Variants in AGPAT4 observed in about 807,000 individuals in gnomAD.
AGPAT4 encodes the protein 1-acyl-sn-glycerol-3-phosphate acyltransferase delta.
In AGPAT4, 15 loss-of-function variants were observed where a neutral mutation model predicts 48.0. That is an observed-to-expected ratio of 0.31 (90% CI 0.21 to 0.48). AGPAT4 has a LOEUF of 0.48. Ranked by LOEUF, AGPAT4 falls within the 20% of genes least tolerant of loss-of-function variation. The pLI, the probability that AGPAT4 is intolerant of heterozygous loss-of-function variation, is 0.99. For missense variants in AGPAT4, 314 were observed against 482.5 expected (o/e 0.65, Z 3.27); for synonymous variants, 178 against 198.7 (o/e 0.90, Z 0.88).
intron 1 of AGPAT4, among the ~76,000 whole-genome samples, chr6:161,247,348 C>G (rs1782681646): frequency 6.6e-6 from 1 of 152,190 alleles, no homozygotes; most frequent in African/African-American, 2.4e-5. Flanking sequence ...GCATACAATT[C>G]TAAAATGCAG....
chr6:161,175,379 A>G (rs527248095), intron 2 of AGPAT4, among the ~76,000 whole-genome samples: 95 of 151,780 alleles, frequency 6.3e-4, no homozygotes, highest in African/African-American at 2.0e-3. Flanking sequence ...AGTCTTGGGA[A>G]GGTGTATGTG....
intron 4 of AGPAT4, among the ~76,000 whole-genome samples, chr6:161,153,796 CAT>C (rs1779669399): frequency 6.7e-6 from 1 of 150,356 alleles, no homozygotes; most frequent in South Asian, 2.1e-4. Flanking sequence ...TGAGGTCACA[CAT>C]AGCCCTGGGG....
Position 161,146,709 on chromosome 6 carries a change from TG to T in AGPAT4, c.768-111del. ...GTTTTTATCTGGGTCACCTAAATAA[TG>T]TGGAACTGAAGAGAGTAATGCAAGT... On this transcript the variant is annotated intron_variant, in intron 6 of 8. Coordinates refer to ENST00000320285, the MANE Select transcript of AGPAT4 (RefSeq NM_020133.3). The surrounding 1 kb of genome is among the most constrained non-coding windows in gnomAD (Gnocchi z 7.1). 1.1e-6 allele frequency: 1 copy of T among 942,710 alleles called. No individual in the cohort carries two copies. Among genetic ancestry groups the T allele is most frequent in the South Asian group, 1.4e-5 (1 of 69,592 alleles). 58.4% of individuals were successfully genotyped at this position (942,710 alleles called of 1,614,324 possible). A position where few individuals can be genotyped will look rare whatever the true frequency, so the allele number is the denominator to read the frequency against.
At position 161,167,191 on chromosome 6, in the gene AGPAT4, A is replaced by AG. The variant is rs578081874; in HGVS notation, c.179-775dup. ...ACTCTTGAAGTTGACGGTGTTCAGTAGGGGTGGGCGCCTGAGTGCTCTGCG... is the reference window on the plus strand; with the variant it reads ...ACTCTTGAAGTTGACGGTGTTCAGTAGGGGGTGGGCGCCTGAGTGCTCTGCG... On this transcript the variant is annotated intron_variant, in intron 2 of 8. Coordinates refer to ENST00000320285, the MANE Select transcript of AGPAT4 (RefSeq NM_020133.3). Among the ~76,000 whole-genome samples, 331 of 152,190 alleles carry AG rather than the reference A, an allele frequency of 2.2e-3. 2 individuals are homozygous for AG. Among genetic ancestry groups the AG allele is most frequent in the African/African-American group, 7.5e-3 (312 of 41,534 alleles).
rs1341153861 is a variant in AGPAT4 at position 161,140,296 on chromosome 6, G to C, written c.844-676C>G. Among the ~76,000 whole-genome samples, 3 of 152,228 alleles carry C rather than the reference G, an allele frequency of 2.0e-5. No homozygotes were observed. ...TGGGTGTCCAGGGTGACTCTTCTAA[G>C]TGATTGTTAGACCGTGTGAAAGGTA... On this transcript the variant is annotated intron_variant, in intron 7 of 8. Transcript: ENST00000320285. The surrounding 1 kb of genome is among the most constrained non-coding windows in gnomAD (Gnocchi z 6.5).
Position 161,166,528 on chromosome 6 carries a change from G to T in AGPAT4, c.179-111C>A. On this transcript the variant is annotated intron_variant, in intron 2 of 8. Transcript: ENST00000320285. The surrounding 1 kb of genome is among the most constrained non-coding windows in gnomAD (Gnocchi z 6.7). ...CTAGGGGAGAAAGCAACTTCTACGG[G>T]CAAAGTTCTGGATCGTTGCAGCACA... The T allele has an allele frequency of 1.5e-6, 2 of 1,303,338 alleles. No individual in the cohort carries two copies. Among genetic ancestry groups the T allele is most frequent in the Non-Finnish European group, 1.0e-6 (1 of 954,004 alleles). 80.7% of individuals were successfully genotyped at this position (1,303,338 alleles called of 1,614,324 possible).
chr6:161,237,891 A>C (rs924368688), intron 1 of AGPAT4, among the ~76,000 whole-genome samples: 6 of 152,108 alleles, frequency 3.9e-5, no homozygotes, highest in Non-Finnish European at 8.8e-5. Flanking sequence ...CAAGTCTCTG[A>C]GGGAGAAAGT....
chr6:161,196,136 C>A lies in AGPAT4; in HGVS notation c.179-29719G>T, dbSNP rs1781059787. ...TTTCTAGAATGGTGTGGTTCGCCAT[C>A]TTAAGAGCACTGTCTTTCTAGGAGA... is the stretch of plus-strand genomic sequence containing the variant. On this transcript the variant is annotated intron_variant, in intron 2 of 8. Transcript: ENST00000320285. This position sits in a 1 kb window ranked among gnomAD's most constrained non-coding sequence, Gnocchi z 4.3. 6.6e-6 allele frequency among the ~76,000 whole-genome samples: 1 copy of A among 152,160 alleles called. No homozygotes were observed. Among genetic ancestry groups the A allele is most frequent in the African/African-American group, 2.4e-5 (1 of 41,440 alleles).
In AGPAT4 at chr6:161,158,053, C is replaced by A. The variant is rs749009073; in HGVS notation, c.349-3743G>T. 1.3e-5 allele frequency among the ~76,000 whole-genome samples: 2 copies of A among 152,216 alleles called. No homozygotes were observed. Among genetic ancestry groups the A allele is most frequent in the Non-Finnish European group, 2.9e-5 (2 of 68,042 alleles). ...TGTAGCTATTATTTTCATCCCAGAG[C>A]AAGCAGTATCTGAACACCTCCTTAT... On this transcript the variant is annotated intron_variant, in intron 3 of 8. Transcript: ENST00000320285. The surrounding 1 kb of genome is among the most constrained non-coding windows in gnomAD (Gnocchi z 5.3).
chr6:161,168,354 A>C (rs1196174937), intron 2 of AGPAT4, among the ~76,000 whole-genome samples: 1 of 152,116 alleles, frequency 6.6e-6, no homozygotes, highest in East Asian at 1.9e-4. Context: ...TGATGCTTCC[A>C]AGAGACTCAC....
chr6:161,160,499 C>T (rs1562317917), intron 3 of AGPAT4: 1 of 159,302 alleles, frequency 6.3e-6, no homozygotes, highest in African/African-American at 2.4e-5. Flanking sequence ...AGACTTTATC[C>T]ACGTGGGACA....
In AGPAT4 at chr6:161,254,342, C is replaced by A. The variant is rs1582912269; in HGVS notation, c.-90+19596G>T. 6.6e-6 allele frequency among the ~76,000 whole-genome samples: 1 copy of A among 152,178 alleles called. No individual in the cohort carries two copies. The highest frequency in any genetic ancestry group is 1.5e-5 in the Non-Finnish European group (1 of 68,030). On this transcript the variant is annotated intron_variant, in intron 1 of 8. Coordinates refer to ENST00000320285, the MANE Select transcript of AGPAT4 (RefSeq NM_020133.3). The surrounding 1 kb of genome is among the most constrained non-coding windows in gnomAD (Gnocchi z 5.9). ...TTTGGTCACTAACCTGCTCAGGTCC[C>A]TACCTTCTCTGATCCTCAGCTTCTT...
chr6:161,130,986 G>C lies in AGPAT4; in HGVS notation c.*5554C>G. 1 of 484,198 alleles carries C rather than the reference G, an allele frequency of 2.1e-6. No homozygotes were observed. Among genetic ancestry groups the C allele is most frequent in the Middle Eastern group, 3.3e-4 (1 of 2,998 alleles). 30.0% of individuals were successfully genotyped at this position (484,198 alleles called of 1,614,324 possible). A position where few individuals can be genotyped will look rare whatever the true frequency, so the allele number is the denominator to read the frequency against. ...AGTACTATGGAATAGAAAAGGAAAA[G>C]TGACATTTGTGTAATTTATTTTGGA... On this transcript the variant is annotated 3_prime_UTR_variant, in exon 9 of 9. Transcript: ENST00000320285.
rs1582901727 is a variant in AGPAT4 at position 161,240,437 on chromosome 6, G to C, written c.-89-8135C>G. On this transcript the variant is annotated intron_variant, in intron 1 of 8. Transcript: ENST00000320285. The surrounding 1 kb of genome is among the most constrained non-coding windows in gnomAD (Gnocchi z 5.5). Reference sequence around the variant, plus strand: ...TCCTCTATGCCACTGCACTCTTCCTGAACAGTGATTAAGCGATCCAGCTCT... The same window carrying C: ...TCCTCTATGCCACTGCACTCTTCCTCAACAGTGATTAAGCGATCCAGCTCT... Among the ~76,000 whole-genome samples, 1 of 152,224 alleles carries C rather than the reference G, an allele frequency of 6.6e-6. No individual in the cohort carries two copies. Among genetic ancestry groups the C allele is most frequent in the Middle Eastern group, 3.4e-3 (1 of 294 alleles).
chr6:161,173,964 G>A (rs1389745374), intron 2 of AGPAT4, among the ~76,000 whole-genome samples: 6 of 152,054 alleles, frequency 3.9e-5, no homozygotes, highest in African/African-American at 1.2e-4. Flanking sequence ...GTAGATGTGT[G>A]GTATTATTTC....
At position 161,131,952 on chromosome 6, in the gene AGPAT4, A is replaced by G. The variant is rs1778914280; in HGVS notation, c.*4588T>C. 6.6e-6 allele frequency: 1 copy of G among 152,304 alleles called. No homozygotes were observed. Among genetic ancestry groups the G allele is most frequent in the Non-Finnish European group, 1.5e-5 (1 of 68,072 alleles). 9.4% of individuals were successfully genotyped at this position (152,304 alleles called of 1,614,324 possible). On this transcript the variant is annotated 3_prime_UTR_variant, in exon 9 of 9. Transcript: ENST00000320285. Reference sequence around the variant, plus strand: ...GTACTTGACACTCTGGAAACACTCAACCTAAGCCCTGGATGCAGGAGGCAG... The same window carrying G: ...GTACTTGACACTCTGGAAACACTCAGCCTAAGCCCTGGATGCAGGAGGCAG...
chr6:161,218,591 C>T lies in AGPAT4; in HGVS notation c.178+13445G>A, dbSNP rs117769981. ...AAGCCAAGACTCCAGGCTCCAAGTG[C>T]GTGTTACCATAACACCGGGGCAGGA... On this transcript the variant is annotated intron_variant, in intron 2 of 8. Transcript: ENST00000320285. This position sits in a 1 kb window ranked among gnomAD's most constrained non-coding sequence, Gnocchi z 4.7. 6.1e-3 allele frequency among the ~76,000 whole-genome samples: 929 copies of T among 152,308 alleles called. 1 individual carries two copies. The highest frequency in any genetic ancestry group is 9.0e-3 in the Non-Finnish European group (610 of 68,030).
In AGPAT4 at chr6:161,270,738, C is replaced by T. The variant is rs763661536; in HGVS notation, c.-90+3200G>A. Among the ~76,000 whole-genome samples, 22 of 152,044 alleles carry T rather than the reference C, an allele frequency of 1.4e-4. No individual in the cohort carries two copies. Among genetic ancestry groups the T allele is most frequent in the Admixed American group, 5.9e-4 (9 of 15,276 alleles). On this transcript the variant is annotated intron_variant, in intron 1 of 8. Coordinates refer to ENST00000320285, the MANE Select transcript of AGPAT4 (RefSeq NM_020133.3). The surrounding 1 kb of genome is among the most constrained non-coding windows in gnomAD (Gnocchi z 5.3). ...GGGAGGTTGTGGTGAGCCGAGATCACGCCATTGCACTCCAGCCTGGGCGAC... is the reference window on the plus strand; with the variant it reads ...GGGAGGTTGTGGTGAGCCGAGATCATGCCATTGCACTCCAGCCTGGGCGAC...
rs10945716 is a variant in AGPAT4 at position 161,137,864 on chromosome 6, C to T, written c.1043-1230G>A. 0.023 allele frequency among the ~76,000 whole-genome samples: 3,414 copies of T among 151,586 alleles called. 129 individuals are homozygous for T. The highest frequency in any genetic ancestry group is 0.079 in the African/African-American group (3,242 of 41,140). Reference sequence around the variant, plus strand: ...CACCCCTCAGATGCTCCTGAAGACTCCCTGTGTCCATACTGCACCCCTCAG... The same window carrying T: ...CACCCCTCAGATGCTCCTGAAGACTTCCTGTGTCCATACTGCACCCCTCAG... On this transcript the variant is annotated intron_variant, in intron 8 of 8. Transcript: ENST00000320285. The surrounding 1 kb of genome is among the most constrained non-coding windows in gnomAD (Gnocchi z 6.1).
Sources: gnomAD v4.1 joint callset for allele counts (sites outside exome capture counted in the v4.1 genomes callset) on GRCh38, gnomAD v4.1.1 for gene constraint, Gnocchi (gnomAD v3.1) non-coding constraint, MANE v1.5 for transcripts, NCBI Gene and HGNC (gene_info 2026-07-23, HGNC 2026-07-21) for gene names.